The following OLA1 variants were observed in gnomAD, a reference collection of about 807,000 sequenced individuals.
OLA1 encodes obg-like ATPase 1.
OLA1 carries 14 observed loss-of-function variants against 48.4 expected under a neutral mutation model. That is an observed-to-expected ratio of 0.29 (90% CI 0.19 to 0.45). The LOEUF (loss-of-function observed/expected upper bound fraction) is 0.45. OLA1 is among the 20% of genes least tolerant of loss of function. The probability of loss-of-function intolerance (pLI) is 1.00; values close to 1 mark genes in which losing one functional copy is unlikely to be tolerated. For missense variants in OLA1, 325 were observed against 467.1 expected, an observed-to-expected ratio of 0.70 and a Z score of 2.80; for synonymous variants, 127 against 150.4, an observed-to-expected ratio of 0.84 and a Z score of 1.14.
chr2:174,078,931 A>C (rs1229585064), intron 10 of OLA1, 37 bp downstream of exon 10: 2 of 1,579,890 alleles, frequency 1.3e-6, no homozygotes. Flanking sequence ...CATCAGTGGA[A>C]ACATTGTGAA....
chr2:174,185,683 A>T (rs1198300090), intron 4 of OLA1, among the ~76,000 whole-genome samples: 2 of 152,142 alleles, frequency 1.3e-5, no homozygotes, highest in African/African-American at 4.8e-5. Context: ...ATCCCAGCAC[A>T]TTGGGAGGCT....
At chr2:174,145,871 T>G (rs569446799) in intron 4 of OLA1, among the ~76,000 whole-genome samples, 3 of 152,214 alleles carry the variant, frequency 2.0e-5, no homozygotes, top group Non-Finnish European at 4.4e-5. Context: ...GATACAGTTT[T>G]TGTGAAATTT....
chr2:174,130,235 G>A (rs1231346343), intron 5 of OLA1, among the ~76,000 whole-genome samples: 1 of 152,120 alleles, frequency 6.6e-6, no homozygotes, highest in Non-Finnish European at 1.5e-5. Flanking sequence ...ATTTATGGAG[G>A]CAGGAGTACT....
rs529980220 is a variant in OLA1, at chr2:174,235,312, A to G, written c.102-5861T>C. On this transcript the variant is annotated intron_variant, in intron 2 of 10. Coordinates refer to ENST00000284719, the MANE Select transcript of OLA1 (RefSeq NM_013341.5). ...AGAACATATTAAAAAGAGAAAGTAA[A>G]TAAGTCCCAAATCATAGATTTCTAT... 2.6e-5 allele frequency among the ~76,000 whole-genome samples: 4 copies of G among 152,296 alleles called. No homozygotes were observed. In the East Asian group the frequency reaches 7.7e-4, roughly 29 times the overall value.
chr2:174,089,953 C>A (rs1685076604), intron 7 of OLA1, among the ~76,000 whole-genome samples: 1 of 151,032 alleles, frequency 6.6e-6, no homozygotes, highest in African/African-American at 2.4e-5. Flanking sequence ...TCCTAATAAC[C>A]TCAATACCTG....
At chr2:174,078,936 T>G in intron 10 of OLA1, 32 bp downstream of exon 10, 1 of 1,585,664 alleles carries the variant, frequency 6.3e-7, no homozygotes, top group Non-Finnish European at 8.6e-7. Context: ...GTGGAAACAT[T>G]GTGAAATACA....
intron 4 of OLA1, among the ~76,000 whole-genome samples, chr2:174,182,045 C>G (rs905449488): frequency 6.6e-6 from 1 of 151,974 alleles, no homozygotes; most frequent in Non-Finnish European, 1.5e-5. Context: ...CTTCTGTTTT[C>G]TCAATAAAAT....
chr2:174,142,062 G>C (rs1423788476), intron 4 of OLA1, 62 bp from the exon 5 acceptor site: 3 of 1,373,492 alleles, frequency 2.2e-6, no homozygotes, highest in Non-Finnish European at 3.1e-6. Flanking sequence ...CATTATGATA[G>C]AGTGAAAGAT....
At chr2:174,223,850 C>A (rs548047282) in intron 3 of OLA1, among the ~76,000 whole-genome samples, 28 of 149,406 alleles carry the variant, frequency 1.9e-4, no homozygotes, top group African/African-American at 6.4e-4. Flanking sequence ...TAACAGCAAC[C>A]AAATTAGGCT....
chr2:174,136,011 T>C lies in OLA1; in HGVS notation c.549+5814A>G, dbSNP rs74903312. On this transcript the variant is annotated intron_variant, in intron 5 of 10. Coordinates refer to ENST00000284719, the MANE Select transcript of OLA1 (RefSeq NM_013341.5). ...ATAGCATGTCTACAAAAACAATGTA[T>C]AAACCTTAATTTAAAAATATTTTTA... Among the ~76,000 whole-genome samples the C allele has an allele frequency of 8.0e-3, 1,217 of 152,352 alleles. 18 individuals are homozygous for C. The highest frequency in any genetic ancestry group is 0.028 in the African/African-American group (1,146 of 41,574).
At chr2:174,184,374 A>C (rs1017157298) in intron 4 of OLA1, among the ~76,000 whole-genome samples, 2 of 152,198 alleles carry the variant, frequency 1.3e-5, no homozygotes, top group Non-Finnish European at 2.9e-5. Flanking sequence ...CCAAAAACCC[A>C]TAACTCCAGT....
At chr2:174,098,597 T>C (rs1170635420) in intron 7 of OLA1, among the ~76,000 whole-genome samples, 1 of 152,182 alleles carries the variant, frequency 6.6e-6, no homozygotes, top group African/African-American at 2.4e-5. Flanking sequence ...GGAGGTAGCA[T>C]GGAATATGGT....
At chr2:174,134,217 T>C (rs1184304690) in intron 5 of OLA1, among the ~76,000 whole-genome samples, 2 of 152,236 alleles carry the variant, frequency 1.3e-5, no homozygotes, top group South Asian at 2.1e-4. Flanking sequence ...CTAGTTCATA[T>C]GGTAAGTCTA....
In OLA1 at chr2:174,129,932, C is replaced by G. The variant is rs1315018805; in HGVS notation, c.550-6257G>C. Among the ~76,000 whole-genome samples, 4 of 152,072 alleles carry G rather than the reference C, an allele frequency of 2.6e-5. No homozygotes were observed. In the East Asian group the frequency reaches 7.7e-4, roughly 29 times the overall value. The stretch of plus-strand genomic sequence containing the variant: ...AAAACCTGTCACCACAATTCTAATG[C>G]TGATATCCAGATGAACTGACTTATG... On this transcript the variant is annotated intron_variant, in intron 5 of 10. Transcript: ENST00000284719.
intron 4 of OLA1, among the ~76,000 whole-genome samples, chr2:174,207,651 T>C (rs972488173): frequency 5.3e-5 from 8 of 152,270 alleles, no homozygotes; most frequent in South Asian, 4.2e-4. Context: ...ACTGTATAGA[T>C]CTTTCAAAAT....
chr2:174,228,900 C>A (rs866027629), intron 3 of OLA1, among the ~76,000 whole-genome samples: 2 of 152,164 alleles, frequency 1.3e-5, no homozygotes, highest in African/African-American at 2.4e-5. Context: ...CTTTTTGAGA[C>A]GGAGTCTTGC....
In OLA1 at chr2:174,141,955, T is replaced by G. The variant is rs1167295609; in HGVS notation, c.419A>C (p.Asp140Ala). 6.2e-7 allele frequency: 1 copy of G among 1,613,334 alleles called. No homozygotes were observed. The highest frequency in any genetic ancestry group is 1.3e-5 in the African/African-American group (1 of 74,898). The change falls in exon 5 of 11, where the codon GAT becomes GCT. Residue 140 changes from aspartate (D) to alanine (A), a missense_variant. By Grantham distance (126) the Asp-to-Ala change is moderately radical. Coordinates refer to ENST00000284719, the MANE Select transcript of OLA1 (RefSeq NM_013341.5). The stretch of plus-strand genomic sequence containing the variant: ...TATTATTTCTATATCTCGAATAGGA[T>G]CTACACTTCCTTCAACGTGCGTGAT... Reference protein sequence around the residue: ...DDITHVEGSVDPIRDIEIIHE... With the variant: ...DDITHVEGSVAPIRDIEIIHE...
At chr2:174,209,947 T>C (rs967116124) in intron 4 of OLA1, among the ~76,000 whole-genome samples, 1 of 152,166 alleles carries the variant, frequency 6.6e-6, no homozygotes, top group Non-Finnish European at 1.5e-5. Flanking sequence ...ACCAATGATA[T>C]ATCCATATAA....
intron 7 of OLA1, among the ~76,000 whole-genome samples, chr2:174,109,388 T>C (rs867246387): frequency 1.3e-5 from 2 of 152,070 alleles, no homozygotes; most frequent in Non-Finnish European, 2.9e-5. Context: ...TACTTAATAA[T>C]AGATTTTAAA....
Sources: allele counts gnomAD v4.1 joint callset (sites outside exome capture counted in the v4.1 genomes callset), GRCh38; gene constraint gnomAD v4.1.1; transcripts MANE v1.5; gene names NCBI Gene and HGNC (gene_info 2026-07-23, HGNC 2026-07-21).